Variants in TMEM132D observed in about 807,000 individuals in gnomAD.
TMEM132D encodes the protein mature OL transmembrane protein.
A neutral mutation model predicts 62.3 loss-of-function variants in TMEM132D; 21 were observed. That is an observed-to-expected ratio of 0.34 (90% confidence interval 0.24 to 0.49). The LOEUF is 0.49. Among genes scored for constraint, TMEM132D ranks in the 20% least tolerant of loss-of-function variants. The probability of loss-of-function intolerance (pLI) is 0.99; values close to 1 mark genes in which losing one functional copy is unlikely to be tolerated. For synonymous variants in TMEM132D, 621 were observed against 575.6 expected, an observed-to-expected ratio of 1.08 and a Z score of -1.13; for missense variants, 1,346 against 1,402.8, an observed-to-expected ratio of 0.96 and a Z score of 0.65.
At chr12:129,263,658 A>G (rs1880610845) in intron 4 of TMEM132D, among the ~76,000 whole-genome samples, 1 of 152,106 alleles carries the variant, frequency 6.6e-6, no homozygotes, top group Non-Finnish European at 1.5e-5. Flanking sequence ...GGGAGAAGGG[A>G]GGAAGAGCAG....
At chr12:129,539,387 A>G (rs968641107) in intron 2 of TMEM132D, among the ~76,000 whole-genome samples, 10 of 146,412 alleles carry the variant, frequency 6.8e-5, no homozygotes, top group African/African-American at 2.3e-4. Flanking sequence ...GTGAGCCACC[A>G]CATTTGGCTA....
chr12:129,654,645 G>A (rs1880023960), intron 2 of TMEM132D, among the ~76,000 whole-genome samples: 1 of 152,200 alleles, frequency 6.6e-6, no homozygotes, highest in African/African-American at 2.4e-5. Context: ...CTAGGTCACT[G>A]TATAGTTTCC....
intron 4 of TMEM132D, among the ~76,000 whole-genome samples, chr12:129,266,528 T>TC (rs144518099): frequency 7.2e-6 from 1 of 138,626 alleles, no homozygotes; most frequent in Non-Finnish European, 1.5e-5. Context: ...TCCTCTCCCC[T>TC]CCCCTCTCCT....
At chr12:129,843,561 A>G (rs1354553902) in intron 1 of TMEM132D, among the ~76,000 whole-genome samples, 1 of 152,242 alleles carries the variant, frequency 6.6e-6, no homozygotes, top group Non-Finnish European at 1.5e-5. Context: ...AATAACCTGC[A>G]GAAACAAAAA....
At chr12:129,782,933 G>A (rs1310680329) in intron 1 of TMEM132D, among the ~76,000 whole-genome samples, 2 of 152,182 alleles carry the variant, frequency 1.3e-5, no homozygotes, top group Admixed American at 6.5e-5. Context: ...CTGTGATATG[G>A]CTCAATTCAT....
chr12:129,266,086 ACTTCT>A (rs1880685193), intron 4 of TMEM132D, among the ~76,000 whole-genome samples: 1 of 150,942 alleles, frequency 6.6e-6, no homozygotes, highest in Non-Finnish European at 1.5e-5. Flanking sequence ...CTCTATGTAG[ACTTCT>A]CTTGTGAAGG....
chr12:129,468,233 G>C (rs1873978930), intron 3 of TMEM132D, among the ~76,000 whole-genome samples: 1 of 152,134 alleles, frequency 6.6e-6, no homozygotes, highest in Non-Finnish European at 1.5e-5. Flanking sequence ...ACTCGGAGGA[G>C]TGGCTTTTTT....
intron 1 of TMEM132D, among the ~76,000 whole-genome samples, chr12:129,825,183 A>AT (rs544055609): frequency 2.5e-3 from 340 of 137,960 alleles, no homozygotes; most frequent in Middle Eastern, 7.5e-3. Flanking sequence ...TAATTTTTGT[A>AT]TTTTTTTTTT....
chr12:129,700,047 G>A lies in TMEM132D; in HGVS notation c.731C>T (p.Ala244Val), dbSNP rs368282993. ...TGTCCGGATCCCATTGCTTCTCCTC[G>A]CGTCTTCCCTGACGCAGTCCCCTCT... ...GERGDCVRED[A>V]RRSNGIRTGH... Residue 244 changes from alanine (A) to valine (V), a missense_variant, in exon 2 of 9, where the codon GCG (alanine) becomes GTG (valine). Transcript: ENST00000422113. 11 of 1,613,806 alleles carry A rather than the reference G, an allele frequency of 6.8e-6. No individual in the cohort carries two copies. Among genetic ancestry groups the A allele is most frequent in the African/African-American group, 4.0e-5 (3 of 75,036 alleles).
intron 3 of TMEM132D, among the ~76,000 whole-genome samples, chr12:129,415,449 C>A (rs1872089249): frequency 6.6e-6 from 1 of 152,168 alleles, no homozygotes; most frequent in Non-Finnish European, 1.5e-5. Context: ...AAAAGAAGTT[C>A]TGTTCCTACC....
chr12:129,246,959 C>T (rs865916347), intron 4 of TMEM132D, among the ~76,000 whole-genome samples: 19 of 152,228 alleles, frequency 1.2e-4, no homozygotes, highest in African/African-American at 4.6e-4. Context: ...AAATTATATA[C>T]TCATCCAGTC....
At chr12:129,799,692 G>C (rs1347475230) in intron 1 of TMEM132D, among the ~76,000 whole-genome samples, 1 of 152,122 alleles carries the variant, frequency 6.6e-6, no homozygotes, top group Non-Finnish European at 1.5e-5. Flanking sequence ...GTTAGTACCT[G>C]TGTTTTCCAT....
At chr12:129,302,193 C>T (rs1416035518) in intron 4 of TMEM132D, among the ~76,000 whole-genome samples, 3 of 152,246 alleles carry the variant, frequency 2.0e-5, no homozygotes, top group Non-Finnish European at 4.4e-5. Flanking sequence ...CGGCTCACTG[C>T]AACCTCTGCC....
intron 1 of TMEM132D, among the ~76,000 whole-genome samples, chr12:129,702,264 G>A (rs1050235192): frequency 3.9e-5 from 6 of 152,148 alleles, no homozygotes; most frequent in African/African-American, 1.4e-4. Flanking sequence ...GCTTATAAGT[G>A]AGCAGTCTGC....
intron 3 of TMEM132D, among the ~76,000 whole-genome samples, chr12:129,401,288 A>G (rs1871613519): frequency 6.6e-6 from 1 of 152,228 alleles, no homozygotes; most frequent in African/African-American, 2.4e-5. Flanking sequence ...TTATAAGGAC[A>G]GGGCATGGTG....
At chr12:129,576,178 C>T (rs1877653901) in intron 2 of TMEM132D, among the ~76,000 whole-genome samples, 1 of 151,910 alleles carries the variant, frequency 6.6e-6, no homozygotes, top group African/African-American at 2.4e-5. Flanking sequence ...TTTGCATACC[C>T]TCTACCTACA....
chr12:129,163,609 G>A (rs1181081325), intron 5 of TMEM132D, among the ~76,000 whole-genome samples: 1 of 152,218 alleles, frequency 6.6e-6, no homozygotes, highest in African/African-American at 2.4e-5. Flanking sequence ...CATGGACAAA[G>A]CTTCCCCTCC....
chr12:129,282,753 T>C (rs1410256291), intron 4 of TMEM132D, among the ~76,000 whole-genome samples: 1 of 152,214 alleles, frequency 6.6e-6, no homozygotes. Flanking sequence ...AGATGACGGT[T>C]GTACCCAGGA....
chr12:129,558,488 T>C (rs1877123818), intron 2 of TMEM132D, among the ~76,000 whole-genome samples: 1 of 152,066 alleles, frequency 6.6e-6, no homozygotes, highest in African/African-American at 2.4e-5. Flanking sequence ...CTAGATCAGC[T>C]CAGTGGGTGA....
Sources: gnomAD v4.1 joint callset for allele counts (sites outside exome capture counted in the v4.1 genomes callset) on GRCh38, gnomAD v4.1.1 for gene constraint, MANE v1.5 for transcripts, NCBI Gene and HGNC (gene_info 2026-07-23, HGNC 2026-07-21) for gene names.